Variants in CDKN2B-AS1 observed in about 807,000 individuals in gnomAD.
CDKN2B-AS1 encodes the protein CDKN2B and CDKN2A antisense cis and trans regulatory RNA 1, also known as CDKN2B antisense RNA 1 (non-protein coding).
At chr9:22,099,707 T>G (rs1398196359) in intron 4 of CDKN2B-AS1, among the ~76,000 whole-genome samples, 1 of 151,900 alleles carries the variant, frequency 6.6e-6, no homozygotes, top group Non-Finnish European at 1.5e-5. Flanking sequence ...GGAAAAGATT[T>G]GAGCCACATT....
In CDKN2B-AS1 at chr9:22,001,574, T is replaced by A. The variant is rs1820920198; in HGVS notation, n.29+6413T>A. ...TAATATACAATCCATGCCAATTACA[T>A]ATTATTAATTAGTGGCACTAGTATT... On this transcript the variant is annotated intron_variant and non_coding_transcript_variant, in intron 1 of 4. Transcript: ENST00000650946. This position sits in a 1 kb window ranked among gnomAD's most constrained non-coding sequence, Gnocchi z 4.2. Among the ~76,000 whole-genome samples, 1 of 152,172 alleles carries A rather than the reference T, an allele frequency of 6.6e-6. No individual in the cohort carries two copies. Among genetic ancestry groups the A allele is most frequent in the South Asian group, 2.1e-4 (1 of 4,834 alleles).
At chr9:22,012,745 GA>G (rs1821567894) in intron 1 of CDKN2B-AS1, among the ~76,000 whole-genome samples, 1 of 152,116 alleles carries the variant, frequency 6.6e-6, no homozygotes, top group Non-Finnish European at 1.5e-5. Context: ...AGTGAGAAGA[GA>G]AGGAAATTCA....
rs1194965272 is a variant in CDKN2B-AS1, at chr9:22,008,459, T to G, written n.29+13298T>G. Among the ~76,000 whole-genome samples the G allele has an allele frequency of 2.0e-5, 3 of 152,220 alleles. No homozygotes were observed. In the East Asian group the frequency reaches 5.8e-4, roughly 29 times the overall value. ...TAGAATGCGTAACTTATACTTTACT[T>G]ATCTTTATCGTTGAAAGCAGACAGA... is the stretch of plus-strand genomic sequence containing the variant. On this transcript the variant is annotated intron_variant and non_coding_transcript_variant, in intron 1 of 4. Transcript: ENST00000650946.
chr9:22,127,717 G>A (rs1341018318), exon 5 of CDKN2B-AS1, among the ~76,000 whole-genome samples: 2 of 152,136 alleles, frequency 1.3e-5, no homozygotes, highest in Non-Finnish European at 2.9e-5. Flanking sequence ...GACTTAACGA[G>A]GATGATTACT....
chr9:22,079,543 G>C (rs79285785), intron 4 of CDKN2B-AS1, among the ~76,000 whole-genome samples: 2 of 151,220 alleles, frequency 1.3e-5, no homozygotes, highest in African/African-American at 4.9e-5. Context: ...AAAAAGAAAA[G>C]CTGAAGGGTG....
chr9:22,091,601 A>C (rs1172099072), intron 4 of CDKN2B-AS1, among the ~76,000 whole-genome samples: 1 of 152,118 alleles, frequency 6.6e-6, no homozygotes, highest in Non-Finnish European at 1.5e-5. Flanking sequence ...TGTGAATGGG[A>C]GTTCACTCAT....
chr9:22,124,477 A>T (rs1004405426), intron 4 of CDKN2B-AS1, among the ~76,000 whole-genome samples: 2 of 152,188 alleles, frequency 1.3e-5, no homozygotes, highest in African/African-American at 4.8e-5. Flanking sequence ...TCATTCCGGT[A>T]AGCAGCGATG....
At chr9:22,036,346 A>G (rs1262754060) in intron 1 of CDKN2B-AS1, among the ~76,000 whole-genome samples, 1 of 152,128 alleles carries the variant, frequency 6.6e-6, no homozygotes, top group African/African-American at 2.4e-5. Flanking sequence ...ACTACATTTG[A>G]ATAATACTGT....
At chr9:22,085,720 C>CAAA (rs5896963) in intron 4 of CDKN2B-AS1, among the ~76,000 whole-genome samples, 1 of 117,900 alleles carries the variant, frequency 8.5e-6, no homozygotes. Context: ...GACTCCGTCT[C>CAAA]AAAAAAAAAA....
rs3218020 is a variant in CDKN2B-AS1 at position 21,997,873 on chromosome 9, G to C, written n.29+2712G>C. On this transcript the variant is annotated intron_variant and non_coding_transcript_variant, in intron 1 of 4. Coordinates refer to ENST00000650946, the Ensembl canonical transcript of CDKN2B-AS1. This position sits in a 1 kb window ranked among gnomAD's most constrained non-coding sequence, Gnocchi z 4.8. The stretch of plus-strand genomic sequence containing the variant: ...CACATTATCCCGTCATGCCTGAGGG[G>C]TTCTCTGACCCTCAGTTTTCTGAGG... 3.9e-5 allele frequency among the ~76,000 whole-genome samples: 6 copies of C among 151,920 alleles called. No individual in the cohort carries two copies. Among genetic ancestry groups the C allele is most frequent in the African/African-American group, 9.7e-5 (4 of 41,430 alleles).
intron 1 of CDKN2B-AS1, chr9:22,004,911 T>C (rs1221231051): frequency 4.3e-6 from 1 of 233,150 alleles, no homozygotes; most frequent in African/African-American, 2.2e-5. Context: ...AAGAAAGCAA[T>C]CTAGGCGTTT....
At position 22,110,658 on chromosome 9, in the gene CDKN2B-AS1, C is replaced by T. The variant is rs539352419; in HGVS notation, n.439-16445C>T. Among the ~76,000 whole-genome samples, 6 of 152,078 alleles carry T rather than the reference C, an allele frequency of 3.9e-5. 1 individual carries two copies. Among genetic ancestry groups the T allele is most frequent in the African/African-American group, 7.2e-5 (3 of 41,518 alleles). On this transcript the variant is annotated intron_variant and non_coding_transcript_variant, in intron 4 of 4. Coordinates refer to ENST00000650946, the Ensembl canonical transcript of CDKN2B-AS1. ...GTCTTGCAATCATTGTGTATAAGTG[C>T]GTAAACCATGTATCTAGAGTTTATA... is the stretch of plus-strand genomic sequence containing the variant.
chr9:22,099,169 A>G (rs765236029), intron 4 of CDKN2B-AS1, among the ~76,000 whole-genome samples: 1 of 152,150 alleles, frequency 6.6e-6, no homozygotes, highest in Non-Finnish European at 1.5e-5. Context: ...AGGGAACAAC[A>G]TGTACAAAAG....
Position 22,005,725 on chromosome 9 carries a change from G to A in CDKN2B-AS1, n.29+10564G>A. On this transcript the variant is annotated intron_variant and non_coding_transcript_variant, in intron 1 of 4. Coordinates refer to ENST00000650946, the Ensembl canonical transcript of CDKN2B-AS1. This position sits in a 1 kb window ranked among gnomAD's most constrained non-coding sequence, Gnocchi z 4.9. ...CTGAAAAGCAAACGACCCCTGGAAT[G>A]TCACACACTCCTAAATATCCCTGGA... 1.7e-6 allele frequency: 1 copy of A among 582,382 alleles called. No homozygotes were observed. Among genetic ancestry groups the A allele is most frequent in the Non-Finnish European group, 3.1e-6 (1 of 326,470 alleles). 36.1% of individuals were successfully genotyped at this position (582,382 alleles called of 1,614,324 possible).
chr9:22,118,466 G>A (rs1587553019), intron 4 of CDKN2B-AS1: 1 of 152,160 alleles, frequency 6.6e-6, no homozygotes, highest in East Asian at 1.9e-4. Flanking sequence ...GAGACAACAA[G>A]GAACCTGTTT....
In CDKN2B-AS1 at chr9:22,092,291, T is replaced by C. The variant is rs374925708; in HGVS notation, n.439-34812T>C. On this transcript the variant is annotated intron_variant and non_coding_transcript_variant, in intron 4 of 4. Transcript: ENST00000650946. ...TATTGGTCTAAAATTCTCTTTTTTT[T>C]GTTGTGTCTCTGCCAGGCTTTGGTA... 11 of 152,284 alleles carry C rather than the reference T, an allele frequency of 7.2e-5. No individual in the cohort carries two copies. The East Asian group carries it at 1.7e-3, about 24-fold the overall frequency. 9.4% of individuals were successfully genotyped at this position (152,284 alleles called of 1,614,324 possible).
intron 2 of CDKN2B-AS1, chr9:22,046,921 A>G (rs1335028096): frequency 6.6e-6 from 1 of 152,180 alleles, no homozygotes; most frequent in Non-Finnish European, 1.5e-5. Context: ...ACAGTGAAAG[A>G]GAATGGAGAT....
At chr9:22,100,556 G>C (rs1363037743) in intron 4 of CDKN2B-AS1, among the ~76,000 whole-genome samples, 1 of 151,930 alleles carries the variant, frequency 6.6e-6, no homozygotes, top group African/African-American at 2.4e-5. Flanking sequence ...TTGTTTTTCT[G>C]TTCATCAGTT....
At chr9:22,043,539 G>A (rs1209912501) in intron 1 of CDKN2B-AS1, among the ~76,000 whole-genome samples, 1 of 151,828 alleles carries the variant, frequency 6.6e-6, no homozygotes, top group Non-Finnish European at 1.5e-5. Context: ...TTATAATCTA[G>A]CAGGTGAAAG....
Sources: gnomAD v4.1 joint callset for allele counts (sites outside exome capture counted in the v4.1 genomes callset) on GRCh38, gnomAD v4.1.1 for gene constraint, Gnocchi (gnomAD v3.1) non-coding constraint, MANE v1.5 for transcripts, NCBI Gene and HGNC (gene_info 2026-07-23, HGNC 2026-07-21) for gene names.